The following CACNB1 variants were observed in gnomAD, a reference collection of about 807,000 sequenced individuals.
CACNB1 encodes the protein calcium voltage-gated channel auxiliary subunit beta 1.
Under a neutral mutation model 71.6 loss-of-function variants are expected in CACNB1, and 29 were observed. The observed-to-expected ratio is 0.40, with a 90% confidence interval of 0.30 to 0.55. The LOEUF (loss-of-function observed/expected upper bound fraction) is 0.55. Among genes scored for constraint, CACNB1 ranks in the 20% least tolerant of loss-of-function variants. The pLI is 0.38. For synonymous variants in CACNB1, 300 were observed against 319.6 expected, an observed-to-expected ratio of 0.94 and a Z score of 0.65; for missense variants, 623 against 801.8, an observed-to-expected ratio of 0.78 and a Z score of 2.69.
rs2045537160 is a variant in CACNB1 at position 39,174,871 on chromosome 17, A to G, written c.*322T>C. 2 of 278,960 alleles carry G rather than the reference A, an allele frequency of 7.2e-6. No individual in the cohort carries two copies. The highest frequency in any genetic ancestry group is 9.6e-5 in the Admixed American group (2 of 20,932). The allele number at this position is 278,960 out of a possible 1,614,324, so 17.3% of individuals were successfully genotyped here. A position where few individuals can be genotyped will look rare whatever the true frequency, so the allele number is the denominator to read the frequency against. ...CTTAGGACCGTCACTTAGGGCCCCG[A>G]GTAGAAAGAGTTAAGGAAGTGCACC... On this transcript the variant is annotated 3_prime_UTR_variant, in exon 14 of 14. Transcript: ENST00000394303.
chr17:39,178,025 C>T lies in CACNB1; in HGVS notation c.1105G>A (p.Val369Ile). The change falls in exon 12 of 14, where the codon GTC becomes ATC. Residue 369 changes from valine (V) to isoleucine (I), a missense_variant. By Grantham distance (29) the Val-to-Ile change is conservative. Coordinates refer to ENST00000394303, the MANE Select transcript of CACNB1 (RefSeq NM_000723.5). ...RGKSQSKHLNVQIAASEKLAQ... is the reference protein window; with the variant it reads ...RGKSQSKHLNIQIAASEKLAQ... ...AGCTTTTCCGAGGCCGCTATTTGGA[C>T]ATTGAGGTGTTTGGACTGAGACTTT... 6.2e-7 allele frequency: 1 copy of T among 1,614,124 alleles called. No individual in the cohort carries two copies. Among genetic ancestry groups the T allele is most frequent in the Non-Finnish European group, 8.5e-7 (1 of 1,180,006 alleles).
At chr17:39,184,964 G>A in intron 7 of CACNB1, 100 bp from the exon 8 acceptor site, 2 of 1,028,414 alleles carry the variant, frequency 1.9e-6, no homozygotes, top group Non-Finnish European at 1.5e-6. Context: ...CCCCACCCTG[G>A]TCCCAGAGCC....
rs199512379 is a variant in CACNB1, at chr17:39,197,505, C to T, written c.-10G>A. The stretch of plus-strand genomic sequence containing the variant: ...TGGTCTTCTGGACCATGGAGAGGAG[C>T]CTCCCCTCCCGCCGCCGGCCCGGCC... On this transcript the variant is annotated 5_prime_UTR_variant, in exon 1 of 14. Coordinates refer to ENST00000394303, the MANE Select transcript of CACNB1 (RefSeq NM_000723.5). The T allele has an allele frequency of 4.2e-5, 62 of 1,486,352 alleles. No individual in the cohort carries two copies. In the East Asian group the frequency reaches 1.6e-3, roughly 37 times the overall value. 92.1% of individuals were successfully genotyped at this position (1,486,352 alleles called of 1,614,324 possible).
Position 39,186,488 on chromosome 17 carries a change from G to A in CACNB1, c.628+8C>T. 6.2e-7 allele frequency: 1 copy of A among 1,609,042 alleles called. No individual in the cohort carries two copies. The highest frequency in any genetic ancestry group is 8.5e-7 in the Non-Finnish European group (1 of 1,176,236). On this transcript the variant is annotated splice_region_variant and intron_variant, in intron 6 of 13. Coordinates refer to ENST00000394303, the MANE Select transcript of CACNB1 (RefSeq NM_000723.5). The surrounding 1 kb of genome is among the most constrained non-coding windows in gnomAD (Gnocchi z 4.1). Reference sequence around the variant, plus strand: ...CTTCCCAAACCCCTGCATGGCGATGGCTCTTACCACTGGCAGGGGGTGTGG... The same window carrying A: ...CTTCCCAAACCCCTGCATGGCGATGACTCTTACCACTGGCAGGGGGTGTGG...
chr17:39,196,628 C>T (rs1004818578), intron 1 of CACNB1, among the ~76,000 whole-genome samples: 1 of 152,076 alleles, frequency 6.6e-6, no homozygotes, highest in Non-Finnish European at 1.5e-5. Context: ...GAGAACCCAC[C>T]GCGCCCAAGA....
intron 1 of CACNB1, among the ~76,000 whole-genome samples, chr17:39,197,165 C>G (rs975355271): frequency 6.6e-6 from 1 of 152,158 alleles, no homozygotes; most frequent in Admixed American, 6.5e-5. Flanking sequence ...GGAACCTTGA[C>G]GCGGGGGAGA....
chr17:39,186,951 G>C lies in CACNB1; in HGVS notation c.415-22C>G, dbSNP rs757798875. Reference sequence around the variant, plus strand: ...ATTTCTGCAAAGAATATGGCAGGTGGGTGGAAAGAGCAAGAGGGAAACTGC... The same window carrying C: ...ATTTCTGCAAAGAATATGGCAGGTGCGTGGAAAGAGCAAGAGGGAAACTGC... On this transcript the variant is annotated intron_variant, in intron 4 of 13. Transcript: ENST00000394303. This position sits in a 1 kb window ranked among gnomAD's most constrained non-coding sequence, Gnocchi z 4.1. 46 of 1,611,910 alleles carry C rather than the reference G, an allele frequency of 2.9e-5. No individual in the cohort carries two copies. The highest frequency in any genetic ancestry group is 5.1e-6 in the Non-Finnish European group (6 of 1,178,334).
In CACNB1 at chr17:39,186,994, C is replaced by A. The variant is rs1005265686; in HGVS notation, c.415-65G>T. On this transcript the variant is annotated intron_variant, in intron 4 of 13. Coordinates refer to ENST00000394303, the MANE Select transcript of CACNB1 (RefSeq NM_000723.5). This position sits in a 1 kb window ranked among gnomAD's most constrained non-coding sequence, Gnocchi z 4.1. ...GAAACTGCAGGGGCAAGCTAGCAGT[C>A]ACTCTCTAGGGGAAACGCCCAGACT... The A allele has an allele frequency of 3.8e-6, 6 of 1,570,542 alleles. No individual in the cohort carries two copies. Among genetic ancestry groups the A allele is most frequent in the South Asian group, 1.1e-5 (1 of 88,808 alleles).
In CACNB1 at chr17:39,183,832, C is replaced by G. The variant is rs753994630; in HGVS notation, c.931G>C (p.Glu311Gln). The change falls in exon 11 of 14, where the codon GAG becomes CAG. Residue 311 changes from glutamate to glutamine, a missense_variant. Transcript: ENST00000394303. Reference sequence around the variant, plus strand: ...ACCAACTGAAGGGTCCGGGCCAGCTCGAAGATTCGCTCGATTTCACTCTGC... The same window carrying G: ...ACCAACTGAAGGGTCCGGGCCAGCTGGAAGATTCGCTCGATTTCACTCTGC... ...EVQSEIERIF[E>Q]LARTLQLVAL... The G allele has an allele frequency of 1.2e-6, 2 of 1,613,706 alleles. No homozygotes were observed. Among genetic ancestry groups the G allele is most frequent in the Admixed American group, 1.7e-5 (1 of 59,960 alleles).
rs755358121 is a variant in CACNB1, at chr17:39,184,840, C to G, written c.673G>C (p.Val225Leu). 6.2e-7 allele frequency: 1 copy of G among 1,610,478 alleles called. No homozygotes were observed. Among genetic ancestry groups the G allele is most frequent in the African/African-American group, 1.3e-5 (1 of 74,388 alleles). The change falls in exon 8 of 14, where the codon GTG becomes CTG. Residue 225 changes from valine (V) to leucine (L), a missense_variant. Val to Leu is a conservative substitution (Grantham distance 32, BLOSUM62 1). Transcript: ENST00000394303. Reference protein sequence around the residue: ...KSTEHVPPYDVVPSMRPIILV... With the variant: ...KSTEHVPPYDLVPSMRPIILV... ...ATGATGGGCCTCATGGAAGGCACCACGTCATAGGGGGGCACATGCTCTGTC... is the reference window on the plus strand; with the variant it reads ...ATGATGGGCCTCATGGAAGGCACCAGGTCATAGGGGGGCACATGCTCTGTC...
rs2045516928 is a variant in CACNB1 at position 39,173,909 on chromosome 17, AAG to A, written c.*1282_*1283del. On this transcript the variant is annotated 3_prime_UTR_variant, in exon 14 of 14. Transcript: ENST00000394303. ...ACAGGACACCAGACAGGGAGGGGGG[AAG>A]GGAGGGCAGTGGTGTCTTCTAATCA... The A allele has an allele frequency of 6.5e-6, 1 of 152,726 alleles. No individual in the cohort carries two copies. Among genetic ancestry groups the A allele is most frequent in the African/African-American group, 2.4e-5 (1 of 41,278 alleles). 9.5% of individuals were successfully genotyped at this position (152,726 alleles called of 1,614,324 possible). A position where few individuals can be genotyped will look rare whatever the true frequency, so the allele number is the denominator to read the frequency against.
chr17:39,180,641 C>T (rs578122791), intron 11 of CACNB1, among the ~76,000 whole-genome samples: 3 of 149,426 alleles, frequency 2.0e-5, no homozygotes, highest in Admixed American at 1.3e-4. Flanking sequence ...GGTGACAGAG[C>T]GAGACTTCGT....
In CACNB1 at chr17:39,186,136, G is replaced by A. The variant is rs748558235; in HGVS notation, c.628+360C>T. On this transcript the variant is annotated intron_variant, in intron 6 of 13. Transcript: ENST00000394303. This position sits in a 1 kb window ranked among gnomAD's most constrained non-coding sequence, Gnocchi z 4.1. ...CGGAGAGTCAGGAGAGAGGGAGGAGGGAGGCGAGGTGGGGAGAAGGAGTGA... is the reference window on the plus strand; with the variant it reads ...CGGAGAGTCAGGAGAGAGGGAGGAGAGAGGCGAGGTGGGGAGAAGGAGTGA... 2.5e-6 allele frequency: 4 copies of A among 1,602,964 alleles called. No individual in the cohort carries two copies. The highest frequency in any genetic ancestry group is 3.4e-6 in the Non-Finnish European group (4 of 1,171,178).
Position 39,197,620 on chromosome 17 carries a change from CT to C in CACNB1, c.-126del. On this transcript the variant is annotated 5_prime_UTR_variant, in exon 1 of 14. Coordinates refer to ENST00000394303, the MANE Select transcript of CACNB1 (RefSeq NM_000723.5). The stretch of plus-strand genomic sequence containing the variant: ...ACCCGGTCCAGCCACCCAGCTCGGC[CT>C]TCGGCTGCCTCCTTCCTGCCTTCCC... 1.5e-6 allele frequency: 1 copy of C among 652,182 alleles called. No individual in the cohort carries two copies. Among genetic ancestry groups the C allele is most frequent in the South Asian group, 2.0e-5 (1 of 50,698 alleles). 40.4% of individuals were successfully genotyped at this position (652,182 alleles called of 1,614,324 possible).
intron 1 of CACNB1, among the ~76,000 whole-genome samples, chr17:39,196,844 A>G (rs888214168): frequency 6.6e-6 from 1 of 151,948 alleles, no homozygotes; most frequent in Non-Finnish European, 1.5e-5. Context: ...CAGGTCCGAC[A>G]TAGAGATGGA....
intron 1 of CACNB1, among the ~76,000 whole-genome samples, chr17:39,195,710 T>A (rs542587584): frequency 6.6e-6 from 1 of 152,240 alleles, no homozygotes; most frequent in East Asian, 1.9e-4. Flanking sequence ...TCACAGTAGC[T>A]ACAATCCTCC....
chr17:39,176,681 C>T (rs1229716756), intron 13 of CACNB1, among the ~76,000 whole-genome samples: 2 of 152,158 alleles, frequency 1.3e-5, no homozygotes, highest in Admixed American at 1.3e-4. Context: ...TTTCTTCTGG[C>T]TCTTAAGACC....
rs527637496 is a variant in CACNB1, at chr17:39,194,678, G to A, written c.171+206C>T. The stretch of plus-strand genomic sequence containing the variant: ...GAGGGTGCCTGGTGCTGGGGGAGGG[G>A]CCGGGCAGGGGCGGGGGCTGAGCGA... On this transcript the variant is annotated intron_variant, in intron 2 of 13. Coordinates refer to ENST00000394303, the MANE Select transcript of CACNB1 (RefSeq NM_000723.5). This position sits in a 1 kb window ranked among gnomAD's most constrained non-coding sequence, Gnocchi z 4.6. Among the ~76,000 whole-genome samples, 1 of 152,080 alleles carries A rather than the reference G, an allele frequency of 6.6e-6. No individual in the cohort carries two copies. Among genetic ancestry groups the A allele is most frequent in the South Asian group, 2.1e-4 (1 of 4,810 alleles).
In CACNB1 at chr17:39,180,673, G is replaced by A. The variant is rs2045732149; in HGVS notation, c.1051-2594C>T. ...TCGTCCCCCCTCAAAAAAAAAAAGA[G>A]AGAAAGAAAGATAAAAGTAAATGTT... On this transcript the variant is annotated intron_variant, in intron 11 of 13. Transcript: ENST00000394303. 2.0e-5 allele frequency among the ~76,000 whole-genome samples: 3 copies of A among 151,742 alleles called. No homozygotes were observed. In the South Asian group the frequency reaches 6.3e-4, roughly 32 times the overall value.
Sources: gnomAD v4.1 joint callset for allele counts (sites outside exome capture counted in the v4.1 genomes callset) on GRCh38, gnomAD v4.1.1 for gene constraint, Gnocchi (gnomAD v3.1) non-coding constraint, MANE v1.5 for transcripts, NCBI Gene and HGNC (gene_info 2026-07-23, HGNC 2026-07-21) for gene names.